Variants in SLC25A15 observed in about 807,000 individuals in gnomAD.
SLC25A15 encodes solute carrier family 25 member 15.
Under a neutral mutation model 32.3 loss-of-function variants are expected in SLC25A15, and 24 were observed. The ratio of observed to expected loss-of-function variants is 0.74; its 90% confidence interval spans 0.54 to 1.04. The LOEUF is 1.04. Ranked by LOEUF, SLC25A15 falls within the 50% of genes least tolerant of loss-of-function variation. The pLI is 0.00. For synonymous variants in SLC25A15, 132 were observed against 142.1 expected (o/e 0.93, Z 0.51); for missense variants, 317 against 374.5 (o/e 0.85, Z 1.27).
chr13:40,811,556 A>ATTCACTG lies in SLC25A15; in HGVS notation c.*1890_*1896dup, dbSNP rs987447410. Among the ~76,000 whole-genome samples the ATTCACTG allele has an allele frequency of 5.9e-5, 9 of 152,150 alleles. No individual in the cohort carries two copies. Among genetic ancestry groups the ATTCACTG allele is most frequent in the Non-Finnish European group, 1.2e-4 (8 of 68,022 alleles). ...ATATGTATGTATTCACTGACCAAAA[A>ATTCACTG]TTCACTGACCAACCAACCAAACTCC... On this transcript the variant is annotated 3_prime_UTR_variant, in exon 7 of 7. Coordinates refer to ENST00000338625, the MANE Select transcript of SLC25A15 (RefSeq NM_014252.4).
chr13:40,799,690 G>A (rs562675975), intron 3 of SLC25A15, among the ~76,000 whole-genome samples: 12 of 152,260 alleles, frequency 7.9e-5, no homozygotes, highest in East Asian at 3.9e-4. Context: ...AGAATGAACC[G>A]CCCTTCTGTT....
intron 3 of SLC25A15, among the ~76,000 whole-genome samples, chr13:40,801,608 C>A (rs928986748): frequency 1.3e-5 from 2 of 152,126 alleles, no homozygotes; most frequent in African/African-American, 4.8e-5. Context: ...AGGGTCAGTT[C>A]TAGAGAGAAG....
At chr13:40,809,477 T>G (rs1244298900) in intron 6 of SLC25A15, 66 bp from the exon 7 acceptor site, 10 of 1,603,008 alleles carry the variant, frequency 6.2e-6, no homozygotes, top group Non-Finnish European at 8.5e-6. Context: ...ACCTATGCTA[T>G]GCAGCTGCGT....
chr13:40,808,593 G>A lies in SLC25A15; in HGVS notation c.778G>A (p.Glu260Lys). Residue 260 changes from glutamate to lysine, a missense_variant, in exon 6 of 7, where the codon GAA becomes AAA. Transcript: ENST00000338625. ...AACCTTTATAAATGTTGTGAAAAATGAAGGTGAGTAAATACCTGTTTTTCA... is the reference window on the plus strand; with the variant it reads ...AACCTTTATAAATGTTGTGAAAAATAAAGGTGAGTAAATACCTGTTTTTCA... ...IRTFINVVKN[E>K]GITALYSGLK... 6.2e-7 allele frequency: 1 copy of A among 1,601,672 alleles called. No homozygotes were observed. The highest frequency in any genetic ancestry group is 2.2e-5 in the East Asian group (1 of 44,868).
chr13:40,806,414 T>C (rs1456990133), intron 4 of SLC25A15, among the ~76,000 whole-genome samples: 1 of 152,204 alleles, frequency 6.6e-6, no homozygotes, highest in Admixed American at 6.5e-5. Context: ...GTTGACTTTG[T>C]ATTTGAGGTC....
chr13:40,798,991 T>G (rs972616130), intron 2 of SLC25A15, 66 bp from the exon 3 acceptor site: 2 of 1,613,600 alleles, frequency 1.2e-6, no homozygotes, highest in East Asian at 2.2e-5. Context: ...AGGCTGCCTG[T>G]GCCTTCCTTC....
In SLC25A15 at chr13:40,808,900, A is replaced by C. The variant is rs141630056; in HGVS notation, c.781+304A>C. Reference sequence around the variant, plus strand: ...CAGTGAGCTGAGATTGCACCACTGCACTCCAGCCTGGGCAACAGCGAGACT... The same window carrying C: ...CAGTGAGCTGAGATTGCACCACTGCCCTCCAGCCTGGGCAACAGCGAGACT... On this transcript the variant is annotated intron_variant, in intron 6 of 6. Transcript: ENST00000338625. Among the ~76,000 whole-genome samples the C allele has an allele frequency of 0.065, 9,053 of 138,472 alleles. 352 individuals carry two copies. The highest frequency in any genetic ancestry group is 0.11 in the Middle Eastern group (26 of 234). 90.8% of individuals were successfully genotyped at this position (138,472 alleles called of 152,430 possible).
chr13:40,808,575 A>T lies in SLC25A15; in HGVS notation c.760A>T (p.Ile254Leu), dbSNP rs17849654. The T allele has an allele frequency of 0.39, 621,649 of 1,604,294 alleles. 123,694 individuals are homozygous for T. Among genetic ancestry groups the T allele is most frequent in the Middle Eastern group, 0.43 (2,629 of 6,054 alleles). ...ACAGGCAGGATTTATCAGAACCTTTATAAATGTTGTGAAAAATGAAGGTGA... is the reference window on the plus strand; with the variant it reads ...ACAGGCAGGATTTATCAGAACCTTTTTAAATGTTGTGAAAAATGAAGGTGA... The part of the protein sequence containing the change: ...GKQAGFIRTF[I>L]NVVKNEGITA... Residue 254 changes from isoleucine (I) to leucine (L), a missense_variant, in exon 6 of 7, where the codon ATA becomes TTA. Ile to Leu is a conservative substitution (Grantham distance 5). Transcript: ENST00000338625.
At chr13:40,793,871 G>A (rs865877904) in intron 2 of SLC25A15, among the ~76,000 whole-genome samples, 2 of 152,342 alleles carry the variant, frequency 1.3e-5, no homozygotes, top group Middle Eastern at 3.4e-3. Flanking sequence ...CAGCTCAGAG[G>A]TGAAGCCACG....
In SLC25A15 at chr13:40,810,080, A is replaced by G. The variant is rs1223818945; in HGVS notation, c.*413A>G. ...AAAAACCCAGAGGTGATCATTTCTC[A>G]TGAAGATGCTTATAAATGGTTGCTT... On this transcript the variant is annotated 3_prime_UTR_variant, in exon 7 of 7. Transcript: ENST00000338625. 4 of 252,660 alleles carry G rather than the reference A, an allele frequency of 1.6e-5. No homozygotes were observed. The highest frequency in any genetic ancestry group is 3.1e-5 in the Non-Finnish European group (4 of 128,956). The allele number at this position is 252,660 out of a possible 1,614,324, so 15.7% of individuals were successfully genotyped here.
chr13:40,802,749 A>G (rs909923524), intron 3 of SLC25A15, among the ~76,000 whole-genome samples: 3 of 151,552 alleles, frequency 2.0e-5, no homozygotes, highest in Non-Finnish European at 4.4e-5. Context: ...TAATTTTTGT[A>G]TTTTAGTAGA....
Position 40,800,298 on chromosome 13 carries a change from G to A in SLC25A15, c.314+983G>A, listed in dbSNP as rs117213202. Reference sequence around the variant, plus strand: ...TTTAAAAAGGCTTGGGACTAGATACGATTGCCCAAGAAGACAGTGTAGACA... The same window carrying A: ...TTTAAAAAGGCTTGGGACTAGATACAATTGCCCAAGAAGACAGTGTAGACA... On this transcript the variant is annotated intron_variant, in intron 3 of 6. Coordinates refer to ENST00000338625, the MANE Select transcript of SLC25A15 (RefSeq NM_014252.4). 8.5e-3 allele frequency among the ~76,000 whole-genome samples: 1,293 copies of A among 152,178 alleles called. 5 individuals carry two copies. Among genetic ancestry groups the A allele is most frequent in the Middle Eastern group, 0.014 (4 of 294 alleles).
At chr13:40,796,229 A>G (rs1881666306) in intron 2 of SLC25A15, among the ~76,000 whole-genome samples, 1 of 152,100 alleles carries the variant, frequency 6.6e-6, no homozygotes, top group African/African-American at 2.4e-5. Context: ...TTTTCCTTTA[A>G]ACAACGTTTT....
chr13:40,792,433 C>T (rs968319842), intron 1 of SLC25A15, among the ~76,000 whole-genome samples: 1 of 152,214 alleles, frequency 6.6e-6, no homozygotes, highest in African/African-American at 2.4e-5. Context: ...CAGGCTACTC[C>T]TGCACACGTT....
chr13:40,807,816 G>A (rs760586631), intron 5 of SLC25A15, among the ~76,000 whole-genome samples: 3 of 152,150 alleles, frequency 2.0e-5, no homozygotes, highest in Non-Finnish European at 2.9e-5. Flanking sequence ...GTTAAAACTT[G>A]GAAATCTTAA....
intron 3 of SLC25A15, among the ~76,000 whole-genome samples, chr13:40,799,802 G>T (rs1881810884): frequency 6.6e-6 from 1 of 152,224 alleles, no homozygotes; most frequent in Admixed American, 6.5e-5. Flanking sequence ...TATGATCCAA[G>T]ATTTAGCTTT....
chr13:40,810,016 G>A lies in SLC25A15; in HGVS notation c.*349G>A. ...GCAATTTGGACAGTTATGTGTTGAGGGAAATACAGTTTGGTACCTTGTTTA... is the reference window on the plus strand; with the variant it reads ...GCAATTTGGACAGTTATGTGTTGAGAGAAATACAGTTTGGTACCTTGTTTA... On this transcript the variant is annotated 3_prime_UTR_variant, in exon 7 of 7. Transcript: ENST00000338625. 1.5e-5 allele frequency: 5 copies of A among 328,966 alleles called. No homozygotes were observed. Among genetic ancestry groups the A allele is most frequent in the East Asian group, 7.5e-5 (1 of 13,382 alleles). The allele number at this position is 328,966 out of a possible 1,614,324, so 20.4% of individuals were successfully genotyped here. A position where few individuals can be genotyped will look rare whatever the true frequency, so the allele number is the denominator to read the frequency against.
Position 40,793,292 on chromosome 13 carries a change from G to A in SLC25A15, c.55+11G>A, listed in dbSNP as rs774823424. The A allele has an allele frequency of 6.2e-7, 1 of 1,611,646 alleles. No individual in the cohort carries two copies. On this transcript the variant is annotated intron_variant, in intron 2 of 6. Transcript: ENST00000338625. ...CAGCGGGGGCTGCAGGTACAGTCAT[G>A]TGCCTCATCACCATGTTTCTGTCGT... is the stretch of plus-strand genomic sequence containing the variant.
chr13:40,804,892 C>G (rs1882100902), intron 3 of SLC25A15, among the ~76,000 whole-genome samples: 2 of 151,976 alleles, frequency 1.3e-5, no homozygotes, highest in African/African-American at 4.8e-5. Flanking sequence ...CTTTGTTTCC[C>G]AAGCTGGAAT....
Sources: gnomAD v4.1 joint callset for allele counts (sites outside exome capture counted in the v4.1 genomes callset) on GRCh38, gnomAD v4.1.1 for gene constraint, MANE v1.5 for transcripts, NCBI Gene and HGNC (gene_info 2026-07-23, HGNC 2026-07-21) for gene names.